Variants in DDX6 observed in about 807,000 individuals in gnomAD.
DDX6 encodes DEAD-box helicase 6, also known as probable ATP-dependent RNA helicase DDX6.
A neutral mutation model predicts 60.6 loss-of-function variants in DDX6; 7 were observed. The observed-to-expected ratio is 0.12, with a 90% CI of 0.07 to 0.22. The LOEUF (loss-of-function observed/expected upper bound fraction) is 0.22, where lower values mean the gene tolerates loss of function less well. DDX6 is among the 10% of genes least tolerant of loss of function. DDX6 has a pLI of 1.00. For missense variants in DDX6, 270 were observed against 589.9 expected (o/e 0.46, Z 5.62); for synonymous variants, 207 against 201.0 (o/e 1.03, Z -0.25).
intron 4 of DDX6, among the ~76,000 whole-genome samples, chr11:118,776,952 G>A (rs1861721878): frequency 6.6e-6 from 1 of 151,718 alleles, no homozygotes; most frequent in African/African-American, 2.4e-5. Flanking sequence ...CCCCTCTGAT[G>A]ATGCATATCC....
Position 118,786,247 on chromosome 11 carries a change from C to G in DDX6, c.5G>C (p.Ser2Thr). The G allele has an allele frequency of 6.3e-7, 1 of 1,597,020 alleles. No homozygotes were observed. The highest frequency in any genetic ancestry group is 8.5e-7 in the Non-Finnish European group (1 of 1,171,618). The part of the protein sequence containing the change: M[S>T]TARTENPVIM... ...AACAGGGTTCTCTGTTCTGGCCGTG[C>G]TCATGCTGTTTTAATTGCAAAGGTC... is the stretch of plus-strand genomic sequence containing the variant. The change falls in exon 2 of 14, where the codon AGC (serine) becomes ACC (threonine). Residue 2 changes from serine (S) to threonine (T), a missense_variant. Ser to Thr is a moderately conservative substitution (Grantham distance 58). Transcript: ENST00000534980.
Position 118,749,248 on chromosome 11 carries a change from C to A in DDX6, c.*2857G>T, listed in dbSNP as rs935085051. 17 of 149,268 alleles carry A rather than the reference C, an allele frequency of 1.1e-4. No individual in the cohort carries two copies. Among genetic ancestry groups the A allele is most frequent in the African/African-American group, 4.2e-4 (17 of 40,482 alleles). 9.2% of individuals were successfully genotyped at this position (149,268 alleles called of 1,614,324 possible). A position where few individuals can be genotyped will look rare whatever the true frequency, so the allele number is the denominator to read the frequency against. The stretch of plus-strand genomic sequence containing the variant: ...AGAGGGTAGTTCTCATCCAAATGAG[C>A]CACTGGAAAATATTATCATTACTTA... On this transcript the variant is annotated 3_prime_UTR_variant, in exon 14 of 14. Transcript: ENST00000534980.
At chr11:118,765,172 CAG>C (rs782514898) in intron 6 of DDX6, 35 bp downstream of exon 6, 36 of 1,593,478 alleles carry the variant, frequency 2.3e-5, no homozygotes, top group Admixed American at 1.4e-4. Context: ...ACTAAAATAA[CAG>C]AGAGCTACAC....
At chr11:118,754,421 T>C (rs1471366114) in intron 13 of DDX6, among the ~76,000 whole-genome samples, 9 of 152,154 alleles carry the variant, frequency 5.9e-5, no homozygotes, top group Admixed American at 2.0e-4. Flanking sequence ...AAAAACAAAT[T>C]GCTGAAAAAC....
At chr11:118,755,834 T>C (rs143058784) in intron 11 of DDX6, among the ~76,000 whole-genome samples, 109 of 152,154 alleles carry the variant, frequency 7.2e-4, no homozygotes, top group African/African-American at 2.4e-3. Context: ...GCCAACATGG[T>C]GAAATCCCTG....
chr11:118,780,114 C>CAAAAAAAAAAAAAAAAAA (rs71044492), intron 3 of DDX6, among the ~76,000 whole-genome samples: 1 of 40,284 alleles, frequency 2.5e-5, no homozygotes, highest in Non-Finnish European at 4.2e-5. Flanking sequence ...GACTCTATCT[C>CAAAAAAAAAAAAAAAAAA]AAAAAAAAAA....
intron 4 of DDX6, among the ~76,000 whole-genome samples, chr11:118,769,210 A>C (rs1473229665): frequency 2.0e-5 from 3 of 152,144 alleles, no homozygotes; most frequent in African/African-American, 7.2e-5. Flanking sequence ...ATTTGACCAC[A>C]GTGAAAAATT....
At chr11:118,762,573 G>C (rs1005466163) in intron 7 of DDX6, among the ~76,000 whole-genome samples, 35 of 152,134 alleles carry the variant, frequency 2.3e-4, no homozygotes, top group Non-Finnish European at 3.4e-4. Flanking sequence ...GGCTGACTGG[G>C]AGCTGCAGTT....
In DDX6 at chr11:118,754,487, C is replaced by A. The variant is rs1286366458; in HGVS notation, c.*7+218G>T. ...CTGAATTTAAGTACTGCTAATCTAC[C>A]ACATTACCCGGGAAGCTGCATTCAA... On this transcript the variant is annotated intron_variant, in intron 13 of 13. Coordinates refer to ENST00000534980, the MANE Select transcript of DDX6 (RefSeq NM_004397.6). 1.1e-5 allele frequency: 5 copies of A among 451,472 alleles called. No individual in the cohort carries two copies. The Admixed American group carries it at 1.2e-4, about 11-fold the overall frequency. 28.0% of individuals were successfully genotyped at this position (451,472 alleles called of 1,614,324 possible).
intron 7 of DDX6, among the ~76,000 whole-genome samples, chr11:118,761,013 G>A (rs1209914672): frequency 1.4e-4 from 21 of 151,838 alleles, no homozygotes; most frequent in African/African-American, 1.9e-4. Flanking sequence ...AGTGGCAAGC[G>A]CCTGTAATTC....
chr11:118,782,155 G>A (rs1202722956), intron 2 of DDX6, among the ~76,000 whole-genome samples: 3 of 152,122 alleles, frequency 2.0e-5, no homozygotes, highest in Admixed American at 1.3e-4. Context: ...AAGATCCTGC[G>A]CCAGAGCAAG....
At chr11:118,776,404 A>G (rs1861700774) in intron 4 of DDX6, among the ~76,000 whole-genome samples, 1 of 152,164 alleles carries the variant, frequency 6.6e-6, no homozygotes, top group African/African-American at 2.4e-5. Flanking sequence ...TAATCTGGGC[A>G]GTTCCCTACA....
intron 7 of DDX6, 57 bp from the exon 8 acceptor site, chr11:118,760,101 G>A (rs1367784510): frequency 2.7e-6 from 4 of 1,500,630 alleles, no homozygotes; most frequent in Non-Finnish European, 3.6e-6. Context: ...TAAGGTCTTG[G>A]TTAATACATG....
intron 4 of DDX6, among the ~76,000 whole-genome samples, chr11:118,774,464 C>CTTTTTTTTT (rs11442846): frequency 8.6e-6 from 1 of 116,404 alleles, no homozygotes; most frequent in African/African-American, 3.2e-5. Flanking sequence ...CTCTAACAGT[C>CTTTTTTTTT]TTTTTTTTTT....
At chr11:118,753,108 A>T (rs868917185) in intron 13 of DDX6, among the ~76,000 whole-genome samples, 9 of 152,150 alleles carry the variant, frequency 5.9e-5, no homozygotes, top group African/African-American at 2.2e-4. Flanking sequence ...GGCTCACTGC[A>T]ACCTCTGCCT....
chr11:118,791,185 G>C (rs1328144009), upstream of DDX6: 1 of 151,524 alleles, frequency 6.6e-6, no homozygotes, highest in South Asian at 2.1e-4. Flanking sequence ...TCGCTCGCCC[G>C]TTCGCCCGCC....
At position 118,784,425 on chromosome 11, in the gene DDX6, TAA is replaced by T. The variant is rs574410264; in HGVS notation, c.200+1625_200+1626del. On this transcript the variant is annotated intron_variant, in intron 2 of 13. Transcript: ENST00000534980. Reference sequence around the variant, plus strand: ...TCAGTAACCCAGTGTCAACATCTTATAAAGATTCCCAGGGTTAAATTATTTTA... The same window carrying T: ...TCAGTAACCCAGTGTCAACATCTTATAGATTCCCAGGGTTAAATTATTTTA... 4.3e-4 allele frequency among the ~76,000 whole-genome samples: 65 copies of T among 151,950 alleles called. 1 individual carries two copies. The South Asian group carries it at 0.013, about 30-fold the overall frequency.
chr11:118,764,837 C>CACACACACACAT (rs1427747282), intron 6 of DDX6, among the ~76,000 whole-genome samples: 3 of 150,578 alleles, frequency 2.0e-5, no homozygotes, highest in African/African-American at 7.3e-5. Flanking sequence ...CACACACACA[C>CACACACACACAT]ATTATATATA....
At chr11:118,762,049 A>T (rs1367559167) in intron 7 of DDX6, among the ~76,000 whole-genome samples, 1 of 152,014 alleles carries the variant, frequency 6.6e-6, no homozygotes, top group Admixed American at 6.6e-5. Context: ...CTGAGGCAGT[A>T]GGATCACCTG....
Sources: allele counts gnomAD v4.1 joint callset (sites outside exome capture counted in the v4.1 genomes callset), GRCh38; gene constraint gnomAD v4.1.1; transcripts MANE v1.5; gene names NCBI Gene and HGNC (gene_info 2026-07-23, HGNC 2026-07-21).